Variants in PDZRN3 observed in about 807,000 individuals in gnomAD.
The protein encoded by PDZRN3 is E3 ubiquitin-protein ligase PDZRN3.
In PDZRN3, 38 loss-of-function variants were observed where a neutral mutation model predicts 85.7. The ratio of observed to expected loss-of-function variants is 0.44; its 90% CI spans 0.34 to 0.58. The LOEUF is 0.58. PDZRN3 is among the 20% of genes least tolerant of loss of function. PDZRN3 has a pLI of 0.01. For missense variants in PDZRN3, 1,629 were observed against 1,506.4 expected, an observed-to-expected ratio of 1.08 and a Z score of -1.35; for synonymous variants, 759 against 638.0, an observed-to-expected ratio of 1.19 and a Z score of -2.86.
chr3:73,400,191 A>ATATT (rs1701721084), intron 5 of PDZRN3, among the ~76,000 whole-genome samples: 1 of 152,228 alleles, frequency 6.6e-6, no homozygotes, highest in Admixed American at 6.5e-5. Flanking sequence ...AAATGCTGTT[A>ATATT]TATTTTTTGA....
intron 3 of PDZRN3, among the ~76,000 whole-genome samples, chr3:73,585,935 A>G (rs1278614462): frequency 6.6e-6 from 1 of 152,256 alleles, no homozygotes; most frequent in Non-Finnish European, 1.5e-5. Context: ...ACTGTCTTGC[A>G]TGGAACCAGT....
At chr3:73,504,436 G>A (rs888370580) in intron 3 of PDZRN3, among the ~76,000 whole-genome samples, 2 of 152,134 alleles carry the variant, frequency 1.3e-5, no homozygotes, top group African/African-American at 4.8e-5. Context: ...GTTTTTATGG[G>A]ACCAGGAAGA....
At position 73,383,292 on chromosome 3, in the gene PDZRN3, C is replaced by T. The variant is rs532794769; in HGVS notation, c.*73G>A. ...ACTTATCTTATATACAAAAACTTGC[C>T]GCATTGAACGAGGCAGGAATTTCTA... On this transcript the variant is annotated 3_prime_UTR_variant, in exon 10 of 10. Coordinates refer to ENST00000263666, the MANE Select transcript of PDZRN3 (RefSeq NM_015009.3). 30 of 1,394,728 alleles carry T rather than the reference C, an allele frequency of 2.2e-5. No homozygotes were observed. The South Asian group carries it at 4.2e-4, about 19-fold the overall frequency. The allele number at this position is 1,394,728 out of a possible 1,614,324, so 86.4% of individuals were successfully genotyped here.
At chr3:73,443,489 T>TTC (rs1332351580) in intron 3 of PDZRN3, among the ~76,000 whole-genome samples, 2 of 139,372 alleles carry the variant, frequency 1.4e-5, no homozygotes, top group Non-Finnish European at 3.0e-5. Context: ...CTTTTTTTTT[T>TTC]TTTTTTTTTG....
In PDZRN3 at chr3:73,608,599, A is replaced by G; in HGVS notation, c.809T>C (p.Val270Ala). The G allele has an allele frequency of 6.2e-7, 1 of 1,600,170 alleles. No individual in the cohort carries two copies. Among genetic ancestry groups the G allele is most frequent in the Non-Finnish European group, 8.6e-7 (1 of 1,167,824 alleles). ...GFNIIGGRPS[V>A]DNHDGSSSEG... ...AACACATTTTAGTAATTAACATACC[A>G]CACTCGGCCGGCCACCAATAATATT... The change falls in exon 2 of 10, where the codon GTG (valine) becomes GCG (alanine). Residue 270 changes from valine (V) to alanine (A), a missense_variant and splice_region_variant. Transcript: ENST00000263666.
At chr3:73,620,442 G>A (rs1477646262) in intron 1 of PDZRN3, among the ~76,000 whole-genome samples, 1 of 152,136 alleles carries the variant, frequency 6.6e-6, no homozygotes, top group East Asian at 1.9e-4. Flanking sequence ...ACTGAGGCTG[G>A]GAGCAGAACT....
At chr3:73,563,013 A>ATATATATATATATATTTTTT (rs1187151191) in intron 3 of PDZRN3, among the ~76,000 whole-genome samples, 3 of 43,780 alleles carry the variant, frequency 6.9e-5, no homozygotes, top group Non-Finnish European at 1.1e-4. Flanking sequence ...ATATATATAT[A>ATATATATATATATATTTTTT]TTTTTTTTTT....
At chr3:73,592,146 T>C (rs912800671) in intron 3 of PDZRN3, among the ~76,000 whole-genome samples, 2 of 152,198 alleles carry the variant, frequency 1.3e-5, no homozygotes, top group Admixed American at 6.5e-5. Flanking sequence ...AACCAGTTTT[T>C]GGATGTGCGT....
In PDZRN3 at chr3:73,419,006, G is replaced by A. The variant is rs74750770; in HGVS notation, c.919-14611C>T. ...CTAAAGGGGTTGCTTTTAGTGAGAG[G>A]TAGGAGAATAAAACTTCACAGGGGC... On this transcript the variant is annotated intron_variant, in intron 3 of 9. Coordinates refer to ENST00000263666, the MANE Select transcript of PDZRN3 (RefSeq NM_015009.3). Among the ~76,000 whole-genome samples, 506 of 152,254 alleles carry A rather than the reference G, an allele frequency of 3.3e-3. 1 individual carries two copies. Among genetic ancestry groups the A allele is most frequent in the African/African-American group, 0.012 (485 of 41,546 alleles).
intron 3 of PDZRN3, among the ~76,000 whole-genome samples, chr3:73,598,137 G>A (rs1702457948): frequency 6.6e-6 from 1 of 152,154 alleles, no homozygotes. Context: ...GTTTGTGGAT[G>A]AGGAAATCTG....
At chr3:73,577,490 C>T (rs1485143354) in intron 3 of PDZRN3, among the ~76,000 whole-genome samples, 1 of 152,190 alleles carries the variant, frequency 6.6e-6, no homozygotes, top group Non-Finnish European at 1.5e-5. Context: ...ACCCTGCTCT[C>T]TGTCCCCAGG....
chr3:73,605,606 T>C (rs1297636153), intron 2 of PDZRN3, among the ~76,000 whole-genome samples: 2 of 152,186 alleles, frequency 1.3e-5, no homozygotes, highest in Non-Finnish European at 2.9e-5. Flanking sequence ...AGGAATTCCT[T>C]GGGAAACACA....
chr3:73,466,334 AG>A (rs374408287), intron 3 of PDZRN3, among the ~76,000 whole-genome samples: 35,310 of 147,392 alleles, frequency 0.24, 4,632 homozygotes, highest in African/African-American at 0.39. Flanking sequence ...AAAAAAAAAA[AG>A]GGGGGGCCCT....
At chr3:73,480,294 G>A (rs1449005525) in intron 3 of PDZRN3, among the ~76,000 whole-genome samples, 1 of 152,122 alleles carries the variant, frequency 6.6e-6, no homozygotes, top group African/African-American at 2.4e-5. Context: ...TAGCACCTGG[G>A]GCGGGCCCTT....
intron 3 of PDZRN3, among the ~76,000 whole-genome samples, chr3:73,504,656 T>C (rs1209889196): frequency 6.6e-6 from 1 of 152,206 alleles, no homozygotes; most frequent in African/African-American, 2.4e-5. Flanking sequence ...CTCCATTTTC[T>C]GAGGGCTTCA....
At chr3:73,508,351 T>C (rs1396639433) in intron 3 of PDZRN3, among the ~76,000 whole-genome samples, 1 of 152,204 alleles carries the variant, frequency 6.6e-6, no homozygotes, top group African/African-American at 2.4e-5. Flanking sequence ...TCCTGCACTG[T>C]TCTTCAGAAA....
chr3:73,616,998 C>A (rs1702772879), intron 1 of PDZRN3, among the ~76,000 whole-genome samples: 1 of 152,130 alleles, frequency 6.6e-6, no homozygotes, highest in African/African-American at 2.4e-5. Context: ...GCCTGTGGAC[C>A]CAACGCCTGC....
Position 73,587,291 on chromosome 3 carries a change from A to C in PDZRN3, c.918+15063T>G, listed in dbSNP as rs182208704. On this transcript the variant is annotated intron_variant, in intron 3 of 9. Transcript: ENST00000263666. Reference sequence around the variant, plus strand: ...TGAAACTTTTTTTCCATTTTTATACATACATCCCAGGCTCACTTACATTTG... The same window carrying C: ...TGAAACTTTTTTTCCATTTTTATACCTACATCCCAGGCTCACTTACATTTG... Among the ~76,000 whole-genome samples, 52 of 152,286 alleles carry C rather than the reference A, an allele frequency of 3.4e-4. No homozygotes were observed. In the East Asian group the frequency reaches 9.9e-3, roughly 29 times the overall value.
At chr3:73,554,255 T>C (rs898389075) in intron 3 of PDZRN3, among the ~76,000 whole-genome samples, 4 of 152,186 alleles carry the variant, frequency 2.6e-5, no homozygotes, top group African/African-American at 4.8e-5. Flanking sequence ...AGGTGTGACA[T>C]TGGCCAAGTC....
Sources: allele counts gnomAD v4.1 joint callset (sites outside exome capture counted in the v4.1 genomes callset), GRCh38; gene constraint gnomAD v4.1.1; transcripts MANE v1.5; gene names NCBI Gene and HGNC (gene_info 2026-07-23, HGNC 2026-07-21).